The following RELN variants were observed in gnomAD, a reference collection of about 807,000 sequenced individuals.
RELN encodes reelin.
A neutral mutation model predicts 427.6 loss-of-function variants in RELN; 108 were observed. The ratio of observed to expected loss-of-function variants is 0.25; its 90% confidence interval spans 0.22 to 0.30. The LOEUF is 0.30. Among genes scored for constraint, RELN ranks in the 10% least tolerant of loss-of-function variants. The pLI, the probability that RELN is intolerant of heterozygous loss-of-function variation, is 1.00. For missense variants in RELN, 3,715 were observed against 4,302.8 expected, an observed-to-expected ratio of 0.86 and a Z score of 3.82; for synonymous variants, 1,524 against 1,513.4, an observed-to-expected ratio of 1.01 and a Z score of -0.16.
At chr7:103,794,544 C>A (rs906040468) in intron 3 of RELN, among the ~76,000 whole-genome samples, 3 of 152,082 alleles carry the variant, frequency 2.0e-5, no homozygotes, top group African/African-American at 4.8e-5. Context: ...GTTGCAACAA[C>A]AACAACAAAA....
chr7:103,983,857 A>C (rs1036558639), intron 1 of RELN, among the ~76,000 whole-genome samples: 3 of 114,536 alleles, frequency 2.6e-5, no homozygotes, highest in Non-Finnish European at 5.2e-5. Context: ...AAAGAACTTC[A>C]TATTTCTGTG....
At chr7:103,534,207 A>C (rs1024499473) in intron 46 of RELN, among the ~76,000 whole-genome samples, 1 of 152,196 alleles carries the variant, frequency 6.6e-6, no homozygotes, top group Non-Finnish European at 1.5e-5. Flanking sequence ...AATAAGCCCA[A>C]ACTATAACTC....
In RELN at chr7:103,851,252, G is replaced by A. The variant is rs116132709; in HGVS notation, c.338-17580C>T. On this transcript the variant is annotated intron_variant, in intron 2 of 64. Coordinates refer to ENST00000428762, the MANE Select transcript of RELN (RefSeq NM_005045.4). ...CTCAGGAATGGAAAAACCAAACATCGTATGTTTTCACTGATATGCGGGAGC... is the reference window on the plus strand; with the variant it reads ...CTCAGGAATGGAAAAACCAAACATCATATGTTTTCACTGATATGCGGGAGC... 7.4e-3 allele frequency among the ~76,000 whole-genome samples: 1,131 copies of A among 152,268 alleles called. 13 individuals carry two copies. Among genetic ancestry groups the A allele is most frequent in the African/African-American group, 0.026 (1,072 of 41,542 alleles).
At chr7:103,943,848 C>CAAAAAAAAAAAA (rs10631941) in intron 1 of RELN, among the ~76,000 whole-genome samples, 2 of 76,438 alleles carry the variant, frequency 2.6e-5, no homozygotes, top group African/African-American at 1.2e-4. Flanking sequence ...ATTCTGTCTC[C>CAAAAAAAAAAAA]AAAAAAAAAA....
intron 46 of RELN, among the ~76,000 whole-genome samples, chr7:103,530,540 G>C (rs1010009664): frequency 2.0e-5 from 3 of 152,102 alleles, no homozygotes; most frequent in Admixed American, 2.0e-4. Context: ...AGTTCATTTT[G>C]CCTACAAATC....
intron 11 of RELN, among the ~76,000 whole-genome samples, chr7:103,681,213 A>T (rs1185674199): frequency 1.3e-5 from 2 of 152,156 alleles, no homozygotes; most frequent in African/African-American, 4.8e-5. Context: ...AAGGCACAGG[A>T]CAGGGAGCGC....
chr7:103,770,344 A>G (rs60851159), intron 4 of RELN, among the ~76,000 whole-genome samples: 28,859 of 152,200 alleles, frequency 0.19, 2,845 homozygotes, highest in East Asian at 0.31. Flanking sequence ...TTGGCCTCCC[A>G]AAGTGTTGGG....
chr7:103,756,561 G>GATTTCTTTTCCAGATTCTTTTTCATGT, intron 4 of RELN, among the ~76,000 whole-genome samples: 3 of 152,072 alleles, frequency 2.0e-5, no homozygotes, highest in Admixed American at 6.6e-5. Flanking sequence ...CTACTCCTTA[G>GATTTCTTTTCCAGATTCTTTTTCATGT]TTGTAATATA....
At chr7:103,538,586 TC>T (rs1830108198) in intron 45 of RELN, among the ~76,000 whole-genome samples, 1 of 152,136 alleles carries the variant, frequency 6.6e-6, no homozygotes, top group Non-Finnish European at 1.5e-5. Flanking sequence ...CAAAATGTCA[TC>T]ATTTGGGGGG....
At chr7:103,735,378 A>G (rs141578774) in intron 6 of RELN, among the ~76,000 whole-genome samples, 10 of 152,206 alleles carry the variant, frequency 6.6e-5, no homozygotes, top group African/African-American at 2.2e-4. Context: ...TGATTTTTAA[A>G]TTATTAGGCA....
intron 2 of RELN, among the ~76,000 whole-genome samples, chr7:103,880,901 G>A (rs1487498575): frequency 6.6e-6 from 1 of 152,054 alleles, no homozygotes; most frequent in Non-Finnish European, 1.5e-5. Flanking sequence ...TCACCATGTT[G>A]TCCAGGCTGG....
At chr7:103,543,099 G>A (rs1830209710) in intron 42 of RELN, among the ~76,000 whole-genome samples, 1 of 152,118 alleles carries the variant, frequency 6.6e-6, no homozygotes, top group Non-Finnish European at 1.5e-5. Flanking sequence ...TAGGAGGAGG[G>A]GGTATTTTCT....
At chr7:103,673,293 AAC>A (rs1239271634) in intron 11 of RELN, among the ~76,000 whole-genome samples, 1 of 152,014 alleles carries the variant, frequency 6.6e-6, no homozygotes, top group Non-Finnish European at 1.5e-5. Flanking sequence ...TCTATTTTTT[AAC>A]ACACATATTT....
intron 2 of RELN, among the ~76,000 whole-genome samples, chr7:103,884,756 C>T (rs1005374763): frequency 1.8e-4 from 28 of 152,074 alleles, no homozygotes; most frequent in Admixed American, 9.8e-4. Flanking sequence ...CCAGTTAGAA[C>T]AGCAATCATT....
intron 2 of RELN, among the ~76,000 whole-genome samples, chr7:103,904,538 T>A (rs1026993737): frequency 6.6e-6 from 1 of 152,094 alleles, no homozygotes; most frequent in Non-Finnish European, 1.5e-5. Context: ...ACTTTACATA[T>A]CTTATCAGGA....
At chr7:103,891,434 A>G (rs1046251882) in intron 2 of RELN, among the ~76,000 whole-genome samples, 1 of 152,144 alleles carries the variant, frequency 6.6e-6, no homozygotes, top group Non-Finnish European at 1.5e-5. Flanking sequence ...TGAGTGCACA[A>G]TGACTCTACA....
intron 4 of RELN, among the ~76,000 whole-genome samples, chr7:103,770,899 T>C (rs1445996571): frequency 6.7e-6 from 1 of 149,820 alleles, no homozygotes; most frequent in African/African-American, 2.5e-5. Context: ...TTCAGCCAAA[T>C]TGCCAATCGC....
intron 2 of RELN, among the ~76,000 whole-genome samples, chr7:103,856,508 G>T (rs1465798737): frequency 2.1e-5 from 3 of 146,066 alleles, no homozygotes; most frequent in Non-Finnish European, 4.5e-5. Flanking sequence ...AGCGGAGATT[G>T]CAGTGATCCA....
intron 45 of RELN, 91 bp from the exon 46 acceptor site, chr7:103,535,575 C>T: frequency 7.9e-7 from 1 of 1,259,136 alleles, no homozygotes; most frequent in Admixed American, 1.8e-5. Context: ...GTTTTAGTTT[C>T]ATTCAAATGT....
Sources: gnomAD v4.1 joint callset for allele counts (sites outside exome capture counted in the v4.1 genomes callset) on GRCh38, gnomAD v4.1.1 for gene constraint, MANE v1.5 for transcripts, NCBI Gene and HGNC (gene_info 2026-07-23, HGNC 2026-07-21) for gene names.